Variants in TRAPPC9 observed in about 807,000 individuals in gnomAD.
TRAPPC9 encodes the protein IKK2 binding protein.
A neutral mutation model predicts 124.0 loss-of-function variants in TRAPPC9; 83 were observed. The observed-to-expected ratio is 0.67, with a 90% CI of 0.56 to 0.80. The LOEUF (loss-of-function observed/expected upper bound fraction) is 0.80, where lower values mean the gene tolerates loss of function less well. TRAPPC9 is among the 30% of genes least tolerant of loss of function. The pLI is 0.00. For synonymous variants in TRAPPC9, 638 were observed against 617.5 expected, an observed-to-expected ratio of 1.03 and a Z score of -0.49; for missense variants, 1,302 against 1,508.3, an observed-to-expected ratio of 0.86 and a Z score of 2.27.
intron 21 of TRAPPC9, among the ~76,000 whole-genome samples, chr8:139,859,392 A>C (rs1827994518): frequency 6.6e-6 from 1 of 152,212 alleles, no homozygotes; most frequent in African/African-American, 2.4e-5. Context: ...TAGTTAAGGC[A>C]GCGCTTCTAT....
At chr8:140,189,543 G>A (rs1000049900) in intron 17 of TRAPPC9, among the ~76,000 whole-genome samples, 17 of 152,190 alleles carry the variant, frequency 1.1e-4, no homozygotes, top group Non-Finnish European at 1.9e-4. Context: ...GGCCTAGACG[G>A]CTCCTAAGGT....
intron 17 of TRAPPC9, among the ~76,000 whole-genome samples, chr8:140,131,059 T>G (rs548257814): frequency 1.3e-5 from 2 of 152,216 alleles, no homozygotes; most frequent in Non-Finnish European, 2.9e-5. Context: ...AAGGGTACTT[T>G]TAAAACTTTC....
chr8:139,874,645 C>T (rs148426469), intron 21 of TRAPPC9, among the ~76,000 whole-genome samples: 6 of 152,146 alleles, frequency 3.9e-5, no homozygotes, highest in African/African-American at 1.4e-4. Flanking sequence ...GCAACTGCAG[C>T]TGAGGAAGCC....
chr8:139,865,716 C>T (rs1352493510), intron 21 of TRAPPC9, among the ~76,000 whole-genome samples: 2 of 152,154 alleles, frequency 1.3e-5, no homozygotes, highest in South Asian at 4.1e-4. Context: ...CAAGAGAACC[C>T]AGTTGGTCCA....
At chr8:140,093,583 G>T (rs953806739) in intron 17 of TRAPPC9, among the ~76,000 whole-genome samples, 4 of 151,586 alleles carry the variant, frequency 2.6e-5, no homozygotes, top group Admixed American at 2.0e-4. Context: ...CAGTAGAATT[G>T]CTTGAACTCA....
chr8:139,996,179 AAAAG>A (rs1837975432), intron 18 of TRAPPC9, among the ~76,000 whole-genome samples: 5 of 145,648 alleles, frequency 3.4e-5, no homozygotes, highest in Non-Finnish European at 3.0e-5. Context: ...AAAAAAAAAA[AAAAG>A]AAAGGAAAGA....
chr8:140,228,443 C>A (rs774270315), intron 16 of TRAPPC9, among the ~76,000 whole-genome samples: 5 of 152,156 alleles, frequency 3.3e-5, no homozygotes, highest in South Asian at 2.1e-4. Context: ...ATAAAGAAAG[C>A]GGCATGCTCG....
At chr8:139,886,141 T>G (rs1563893040) in intron 20 of TRAPPC9, among the ~76,000 whole-genome samples, 172 bp from the exon 21 acceptor site, 1 of 152,218 alleles carries the variant, frequency 6.6e-6, no homozygotes, top group Non-Finnish European at 1.5e-5. Context: ...TATGTGGACA[T>G]CAGGGGCATA....
At chr8:140,117,559 A>G (rs1188097118) in intron 17 of TRAPPC9, among the ~76,000 whole-genome samples, 3 of 152,226 alleles carry the variant, frequency 2.0e-5, no homozygotes, top group African/African-American at 7.2e-5. Context: ...TGAAAGCATT[A>G]TGCCCACTCA....
At chr8:140,247,939 T>C (rs1488235513) in intron 16 of TRAPPC9, among the ~76,000 whole-genome samples, 1 of 152,214 alleles carries the variant, frequency 6.6e-6, no homozygotes, top group Non-Finnish European at 1.5e-5. Context: ...CTTTTGTACT[T>C]CTTCTTCATG....
rs151030338 is a variant in TRAPPC9, at chr8:139,819,587, T to C, written c.3055+66292A>G. ...GACAGTAGTATTTCAGAGACAACTATAGATAAATTCCACTGATGAGCACAG... is the reference window on the plus strand; with the variant it reads ...GACAGTAGTATTTCAGAGACAACTACAGATAAATTCCACTGATGAGCACAG... On this transcript the variant is annotated intron_variant, in intron 21 of 22. Coordinates refer to ENST00000438773, the MANE Select transcript of TRAPPC9 (RefSeq NM_001160372.4). 3.6e-4 allele frequency among the ~76,000 whole-genome samples: 55 copies of C among 152,290 alleles called. No individual in the cohort carries two copies. The East Asian group carries it at 0.01, about 29-fold the overall frequency.
chr8:140,276,517 G>A (rs1183859862), intron 14 of TRAPPC9, among the ~76,000 whole-genome samples: 1 of 152,130 alleles, frequency 6.6e-6, no homozygotes. Flanking sequence ...CCTCCCCGAG[G>A]CTCCTGCACT....
At chr8:139,890,774 CA>C (rs1830289242) in intron 20 of TRAPPC9, among the ~76,000 whole-genome samples, 1 of 151,776 alleles carries the variant, frequency 6.6e-6, no homozygotes, top group Admixed American at 6.6e-5. Flanking sequence ...TGCAGCACAC[CA>C]GCATGGCACA....
intron 21 of TRAPPC9, among the ~76,000 whole-genome samples, chr8:139,767,037 C>G (rs1820630480): frequency 6.6e-6 from 1 of 152,226 alleles, no homozygotes; most frequent in South Asian, 2.1e-4. Context: ...GCCCCCTGGA[C>G]TGTGCCCCCT....
chr8:139,948,248 AACACACACACACAC>A (rs141771160), intron 19 of TRAPPC9, among the ~76,000 whole-genome samples: 3,707 of 144,680 alleles, frequency 0.026, 78 homozygotes, highest in African/African-American at 0.053. Context: ...TGGTTCATAA[AACACACACACACAC>A]ACACACACAC....
At chr8:139,768,829 G>A (rs552957820) in intron 21 of TRAPPC9, among the ~76,000 whole-genome samples, 19 of 152,164 alleles carry the variant, frequency 1.2e-4, no homozygotes, top group Non-Finnish European at 2.2e-4. Flanking sequence ...AATACCTCGG[G>A]GGGGAATGTA....
At chr8:140,191,177 C>G (rs752314817) in intron 17 of TRAPPC9, among the ~76,000 whole-genome samples, 1 of 152,216 alleles carries the variant, frequency 6.6e-6, no homozygotes, top group East Asian at 1.9e-4. Flanking sequence ...TATTGAGGGC[C>G]GACAACGTGC....
intron 21 of TRAPPC9, among the ~76,000 whole-genome samples, chr8:139,868,124 C>T (rs774201148): frequency 3.3e-5 from 5 of 152,064 alleles, no homozygotes; most frequent in Non-Finnish European, 5.9e-5. Context: ...TTTGGGAGGC[C>T]GAGGCAGGTG....
intron 21 of TRAPPC9, among the ~76,000 whole-genome samples, chr8:139,792,994 C>A (rs961792426): frequency 6.6e-6 from 1 of 152,212 alleles, no homozygotes; most frequent in Non-Finnish European, 1.5e-5. Flanking sequence ...ACAGGACTAG[C>A]TTGCCACCTG....
Sources: gnomAD v4.1 joint callset for allele counts (sites outside exome capture counted in the v4.1 genomes callset) on GRCh38, gnomAD v4.1.1 for gene constraint, MANE v1.5 for transcripts, NCBI Gene and HGNC (gene_info 2026-07-23, HGNC 2026-07-21) for gene names.